Variants in XPR1 observed in about 807,000 individuals in gnomAD.
XPR1 encodes xenotropic and polytropic retrovirus receptor 1, also known as solute carrier family 53 member 1.
Under a neutral mutation model 87.5 loss-of-function variants are expected in XPR1, and 28 were observed. The observed-to-expected ratio is 0.32, with a 90% CI of 0.24 to 0.44. The LOEUF (loss-of-function observed/expected upper bound fraction) is 0.44, where lower values mean the gene tolerates loss of function less well. XPR1 is among the 20% of genes least tolerant of loss of function. XPR1 has a pLI of 1.00. For missense variants in XPR1, 559 were observed against 862.3 expected, an observed-to-expected ratio of 0.65 and a Z score of 4.41; for synonymous variants, 300 against 306.1, an observed-to-expected ratio of 0.98 and a Z score of 0.21.
chr1:180,641,915 A>T (rs1654973646), intron 1 of XPR1, among the ~76,000 whole-genome samples: 1 of 152,148 alleles, frequency 6.6e-6, no homozygotes, highest in African/African-American at 2.4e-5. Flanking sequence ...TTAAGAATGA[A>T]GTTTCTTTGT....
At chr1:180,872,727 A>G (rs1261777232) in intron 12 of XPR1, among the ~76,000 whole-genome samples, 1 of 145,894 alleles carries the variant, frequency 6.9e-6, no homozygotes, top group Non-Finnish European at 1.5e-5. Flanking sequence ...GGCACTCCCT[A>G]GTGAGATGAA....
intron 14 of XPR1, 21 bp from the exon 15 acceptor site, chr1:180,883,985 T>C: frequency 6.2e-7 from 1 of 1,611,812 alleles, no homozygotes; most frequent in Non-Finnish European, 8.5e-7. Context: ...AAGTGCTTTT[T>C]GTCCCCCTTG....
At chr1:180,776,883 CAAGAATATTT>C (rs1374328271) in intron 2 of XPR1, among the ~76,000 whole-genome samples, 3 of 151,864 alleles carry the variant, frequency 2.0e-5, no homozygotes, top group Non-Finnish European at 4.4e-5. Flanking sequence ...TGTGTTCTAC[CAAGAATATTT>C]TAAACACATT....
Position 180,836,595 on chromosome 1 carries a change from C to T in XPR1, c.1380C>T (p.Phe460=). 6.2e-7 allele frequency: 1 copy of T among 1,614,190 alleles called. No individual in the cohort carries two copies. The highest frequency in any genetic ancestry group is 8.5e-7 in the Non-Finnish European group (1 of 1,180,036). ...AGTGCATTCCTGCTTGGCTTCGCTT[C>T]ATCCAGTGCCTGCGCCGATATCGAG... is the stretch of plus-strand genomic sequence containing the variant. ...IVQCIPAWLR[F]IQCLRRYRDT... Residue 460 remains phenylalanine, a synonymous_variant, in exon 11 of 15, where the codon TTC becomes TTT. Transcript: ENST00000367590.
At chr1:180,819,474 C>G (rs1650532845) in intron 7 of XPR1, among the ~76,000 whole-genome samples, 1 of 151,954 alleles carries the variant, frequency 6.6e-6, no homozygotes, top group African/African-American at 2.4e-5. Context: ...TTTTCTAGTT[C>G]CTATGTTATC....
At chr1:180,823,696 T>A (rs971307637) in intron 7 of XPR1, among the ~76,000 whole-genome samples, 8 of 152,160 alleles carry the variant, frequency 5.3e-5, no homozygotes, top group Admixed American at 3.9e-4. Flanking sequence ...TATTGAACAT[T>A]TGTGTGGACA....
At chr1:180,789,739 CA>C (rs1281680535) in intron 3 of XPR1, among the ~76,000 whole-genome samples, 1 of 152,030 alleles carries the variant, frequency 6.6e-6, no homozygotes, top group Non-Finnish European at 1.5e-5. Flanking sequence ...TCTTCTCCAT[CA>C]ATCATTTTAA....
At chr1:180,840,570 A>G (rs74723906) in intron 11 of XPR1, among the ~76,000 whole-genome samples, 54,389 of 110,474 alleles carry the variant, frequency 0.49, 11,522 homozygotes, top group Non-Finnish European at 0.53. Context: ...GTGTGTGTAT[A>G]TATATATATA....
chr1:180,783,927 C>T (rs1308354687), intron 2 of XPR1, among the ~76,000 whole-genome samples: 3 of 151,702 alleles, frequency 2.0e-5, no homozygotes, highest in East Asian at 3.9e-4. Context: ...TGATGGCAGG[C>T]ACTTGTAATT....
At chr1:180,842,153 A>C (rs1024831944) in intron 11 of XPR1, among the ~76,000 whole-genome samples, 19 of 152,224 alleles carry the variant, frequency 1.2e-4, no homozygotes, top group African/African-American at 4.6e-4. Flanking sequence ...TACAAAGGAT[A>C]AATTTTAGAG....
rs78701510 is a variant in XPR1 at position 180,803,916 on chromosome 1, C to T, written c.447+305C>T. Among the ~76,000 whole-genome samples, 187 of 152,044 alleles carry T rather than the reference C, an allele frequency of 1.2e-3. 2 individuals are homozygous for T. The highest frequency in any genetic ancestry group is 2.5e-3 in the Admixed American group (38 of 15,258). On this transcript the variant is annotated intron_variant, in intron 4 of 14. Coordinates refer to ENST00000367590, the MANE Select transcript of XPR1 (RefSeq NM_004736.4). The stretch of plus-strand genomic sequence containing the variant: ...TGTTTTTAGAGGCAGCTCTGATAGT[C>T]ATGAATAGAAATAATACATCTCTCC...
Position 180,781,151 on chromosome 1 carries a change from A to G in XPR1, c.122-6602A>G, listed in dbSNP as rs185880804. On this transcript the variant is annotated intron_variant, in intron 2 of 14. Coordinates refer to ENST00000367590, the MANE Select transcript of XPR1 (RefSeq NM_004736.4). ...TTCATTCTTTTGCATGTGACTATCCAATTGTTGGAGTGTTGTTTTTTTTTT... is the reference window on the plus strand; with the variant it reads ...TTCATTCTTTTGCATGTGACTATCCGATTGTTGGAGTGTTGTTTTTTTTTT... 4.4e-4 allele frequency among the ~76,000 whole-genome samples: 67 copies of G among 151,726 alleles called. 1 individual carries two copies. The highest frequency in any genetic ancestry group is 1.5e-3 in the African/African-American group (62 of 41,424).
At chr1:180,781,111 G>A (rs990966618) in intron 2 of XPR1, among the ~76,000 whole-genome samples, 4 of 151,266 alleles carry the variant, frequency 2.6e-5, no homozygotes, top group African/African-American at 2.4e-5. Context: ...TTTTGTATCC[G>A]TGTGGGAGTC....
chr1:180,770,804 A>G (rs750158751), intron 2 of XPR1, among the ~76,000 whole-genome samples: 27 of 151,892 alleles, frequency 1.8e-4, no homozygotes, highest in Non-Finnish European at 3.5e-4. Flanking sequence ...CTCATTTTAC[A>G]TTACTTTCTC....
intron 1 of XPR1, among the ~76,000 whole-genome samples, chr1:180,663,956 T>G (rs181076731): frequency 3.3e-5 from 5 of 152,166 alleles, no homozygotes; most frequent in East Asian, 1.9e-4. Context: ...GTACCACCAA[T>G]GTGCACTTAT....
At chr1:180,782,533 GAGAA>G (rs981318520) in intron 2 of XPR1, among the ~76,000 whole-genome samples, 2 of 152,148 alleles carry the variant, frequency 1.3e-5, no homozygotes, top group African/African-American at 4.8e-5. Context: ...GACAGAGAGA[GAGAA>G]AGAGAGAGAA....
chr1:180,835,656 G>T (rs182980310), intron 10 of XPR1, among the ~76,000 whole-genome samples: 3 of 152,162 alleles, frequency 2.0e-5, no homozygotes, highest in Non-Finnish European at 4.4e-5. Context: ...CAGTTCTGTT[G>T]TAGGTTGATC....
intron 1 of XPR1, among the ~76,000 whole-genome samples, chr1:180,662,846 T>A (rs1176129836): frequency 1.3e-5 from 2 of 152,198 alleles, no homozygotes; most frequent in African/African-American, 4.8e-5. Flanking sequence ...CTTCTGACTG[T>A]GTGTTTACAA....
intron 9 of XPR1, among the ~76,000 whole-genome samples, chr1:180,834,448 G>A (rs1024211726): frequency 2.4e-4 from 36 of 152,244 alleles, no homozygotes; most frequent in African/African-American, 7.9e-4. Flanking sequence ...AACAATTTAG[G>A]TATAAAAATG....
Sources: allele counts gnomAD v4.1 joint callset (sites outside exome capture counted in the v4.1 genomes callset), GRCh38; gene constraint gnomAD v4.1.1; transcripts MANE v1.5; gene names NCBI Gene and HGNC (gene_info 2026-07-23, HGNC 2026-07-21).